Variants in PIDD1 observed in about 807,000 individuals in gnomAD.
PIDD1 encodes p53-induced death domain protein 1, also known as p53-induced death domain-containing protein 1.
PIDD1 carries 72 observed loss-of-function variants against 80.0 expected under a neutral mutation model. The ratio of observed to expected loss-of-function variants is 0.90; its 90% CI spans 0.74 to 1.09. The LOEUF (loss-of-function observed/expected upper bound fraction) is 1.09. PIDD1 is among the 50% of genes least tolerant of loss of function. The pLI is 0.00. For missense variants in PIDD1, 1,329 were observed against 1,228.3 expected (o/e 1.08, Z -1.23); for synonymous variants, 655 against 543.5 (o/e 1.21, Z -2.85).
upstream of PIDD1, chr11:805,485 C>A (rs538610494): frequency 2.2e-6 from 1 of 451,344 alleles, no homozygotes; most frequent in Non-Finnish European, 2.9e-6. Context: ...CAGCCTCCCC[C>A]GCCCGGAAGG....
chr11:799,206 T>C lies in PIDD1; in HGVS notation c.*101A>G. 1 of 1,205,472 alleles carries C rather than the reference T, an allele frequency of 8.3e-7. No homozygotes were observed. Among genetic ancestry groups the C allele is most frequent in the South Asian group, 1.6e-5 (1 of 64,440 alleles). 74.7% of individuals were successfully genotyped at this position (1,205,472 alleles called of 1,614,324 possible). A position where few individuals can be genotyped will look rare whatever the true frequency, so the allele number is the denominator to read the frequency against. On this transcript the variant is annotated 3_prime_UTR_variant, in exon 16 of 16. Transcript: ENST00000347755. ...AGGTGAAAGAAACAGTGCAGTTTTG[T>C]TGCTCACAGGGACCCGTCCCCACAC...
Position 799,227 on chromosome 11 carries a change from C to A in PIDD1, c.*80G>T. The A allele has an allele frequency of 7.2e-7, 1 of 1,382,224 alleles. No individual in the cohort carries two copies. The highest frequency in any genetic ancestry group is 9.7e-7 in the Non-Finnish European group (1 of 1,034,568). The allele number at this position is 1,382,224 out of a possible 1,614,324, so 85.6% of individuals were successfully genotyped here. ...TTTGTTGCTCACAGGGACCCGTCCCCACACACTGGAGAGACTTGAAGGTGG... is the reference window on the plus strand; with the variant it reads ...TTTGTTGCTCACAGGGACCCGTCCCAACACACTGGAGAGACTTGAAGGTGG... On this transcript the variant is annotated 3_prime_UTR_variant, in exon 16 of 16. Transcript: ENST00000347755.
At chr11:805,271 A>C (rs1027767681), upstream of PIDD1, 69 of 968,764 alleles carry the variant, frequency 7.1e-5, no homozygotes, top group African/African-American at 1.2e-3. Flanking sequence ...CGGGGACTGC[A>C]GACCCCGCCC....
At position 799,286 on chromosome 11, in the gene PIDD1, C is replaced by T; in HGVS notation, c.*21G>A. On this transcript the variant is annotated 3_prime_UTR_variant, in exon 16 of 16. Coordinates refer to ENST00000347755, the MANE Select transcript of PIDD1 (RefSeq NM_145886.4). ...CCCATCCACTGGGGAATATCTGGGCCAGCCTAAAAGTCTGTGGGGCCTAGG... is the reference window on the plus strand; with the variant it reads ...CCCATCCACTGGGGAATATCTGGGCTAGCCTAAAAGTCTGTGGGGCCTAGG... 1 of 1,556,826 alleles carries T rather than the reference C, an allele frequency of 6.4e-7. No homozygotes were observed. The highest frequency in any genetic ancestry group is 8.7e-7 in the Non-Finnish European group (1 of 1,152,712).
chr11:800,291 C>G, intron 13 of PIDD1, 42 bp downstream of exon 13: 1 of 1,612,308 alleles, frequency 6.2e-7, no homozygotes, highest in South Asian at 1.1e-5. Flanking sequence ...TCTGCCCAAG[C>G]GGCCTGGGGG....
rs1284215918 is a variant in PIDD1 at position 801,576 on chromosome 11, C to A, written c.1351G>T (p.Val451Phe). 6.4e-7 allele frequency: 1 copy of A among 1,568,330 alleles called. No individual in the cohort carries two copies. The highest frequency in any genetic ancestry group is 8.6e-7 in the Non-Finnish European group (1 of 1,156,718). The change falls in exon 8 of 16, where the codon GTT becomes TTT. Residue 451 changes from valine to phenylalanine, a missense_variant. By Grantham distance (50) the Val-to-Phe change is conservative. Coordinates refer to ENST00000347755, the MANE Select transcript of PIDD1 (RefSeq NM_145886.4). ...CAGGCATTGGACACAGGGCGGGAAA[C>A]CACAAGGAACCAGGAGAAGTGGGGC... ...QVPHFSWFLV[V>F]SRPVSNACLV... is the part of the protein sequence containing the mutation.
upstream of PIDD1, among the ~76,000 whole-genome samples, chr11:807,341 T>C (rs187672928): frequency 9.8e-3 from 1,453 of 148,048 alleles, 28 homozygotes; most frequent in African/African-American, 0.034. Flanking sequence ...TAGCTGGGCG[T>C]GGTGGCGGGC....
chr11:803,053 GA>G, intron 3 of PIDD1, 120 bp downstream of exon 3: 1 of 959,240 alleles, frequency 1.0e-6, no homozygotes, highest in Non-Finnish European at 1.6e-6. Context: ...CAGGGAGGTG[GA>G]GGGACAACCA....
Position 799,705 on chromosome 11 carries a change from G to C in PIDD1, c.2474+110C>G, listed in dbSNP as rs1209523702. On this transcript the variant is annotated intron_variant, in intron 15 of 15. Coordinates refer to ENST00000347755, the MANE Select transcript of PIDD1 (RefSeq NM_145886.4). ...ACCTTTCCTTTCCAGCCTGGTGTTT[G>C]CCCTTCCCCCACCTCCCCTGGAAGA... 3 of 1,373,678 alleles carry C rather than the reference G, an allele frequency of 2.2e-6. No individual in the cohort carries two copies. In the African/African-American group the frequency reaches 4.4e-5, roughly 20 times the overall value. 85.1% of individuals were successfully genotyped at this position (1,373,678 alleles called of 1,614,324 possible). A position where few individuals can be genotyped will look rare whatever the true frequency, so the allele number is the denominator to read the frequency against.
intron 1 of PIDD1, 180 bp from the exon 2 acceptor site, chr11:804,643 G>T (rs552680229): frequency 1.7e-5 from 9 of 528,856 alleles, no homozygotes; most frequent in Admixed American, 7.8e-5. Flanking sequence ...TGGAAAGAGG[G>T]TTGGGGAATG....
rs201425290 is a variant in PIDD1 at position 800,481 on chromosome 11, G to A, written c.2042-30C>T. ...GGGACAGGGGTGGGCTGAGCAAGGAGGGCTCGGGGAGGACGGTAAGGCTCC... is the reference window on the plus strand; with the variant it reads ...GGGACAGGGGTGGGCTGAGCAAGGAAGGCTCGGGGAGGACGGTAAGGCTCC... On this transcript the variant is annotated intron_variant, in intron 12 of 15. Transcript: ENST00000347755. The A allele has an allele frequency of 4.6e-4, 739 of 1,610,844 alleles. 10 individuals carry two copies. The Middle Eastern group carries it at 0.022, about 49-fold the overall frequency.
Position 803,368 on chromosome 11 carries a change from G to A in PIDD1, c.515C>T (p.Ala172Val). Residue 172 changes from alanine to valine, a missense_variant, in exon 3 of 16, where the codon GCC becomes GTC. Transcript: ENST00000347755. ...GTGTGTCACTGTGAGGAAGGTGAGG[G>A]CGGGGAGGGCCCCCAGAGCCTCAGG... ...ELPEALGALP[A>V]LTFLTVTHNR... is the part of the protein sequence containing the mutation. 6.2e-7 allele frequency: 1 copy of A among 1,613,982 alleles called. No individual in the cohort carries two copies. Among genetic ancestry groups the A allele is most frequent in the Non-Finnish European group, 8.5e-7 (1 of 1,179,992 alleles).
rs1865309291 is a variant in PIDD1 at position 801,451 on chromosome 11, G to A, written c.1476C>T (p.Ser492=). Residue 492 remains serine, a synonymous_variant, in exon 8 of 16, where the codon TCC becomes TCT. Coordinates refer to ENST00000347755, the MANE Select transcript of PIDD1 (RefSeq NM_145886.4). The part of the protein sequence containing the change: ...PGATEEPRRV[S]MQVVRMAGRE... The stretch of plus-strand genomic sequence containing the variant: ...AGTGCTGTCCTGGCCATACCTGCAT[G>A]GAGACTCGACGAGGCTCCTCAGTGG... 1 of 1,548,332 alleles carries A rather than the reference G, an allele frequency of 6.5e-7. No individual in the cohort carries two copies.
At chr11:801,788 CAG>C in intron 7 of PIDD1, 164 bp from the exon 8 acceptor site, 1 of 859,440 alleles carries the variant, frequency 1.2e-6, no homozygotes, top group East Asian at 3.0e-5. Context: ...GCCAGGGACA[CAG>C]GGAAGCAGGA....
At position 804,326 on chromosome 11, in the gene PIDD1, C is replaced by T. The variant is rs767458241; in HGVS notation, c.63G>A (p.Glu21=). The part of the protein sequence containing the change: ...EAAAAAGDAS[E]DSDAGSRALP... ...GCGCCCTGGACCCTGCGTCCGAATC[C>T]TCTGAAGCATCTCCTGCGGCAGCAG... is the stretch of plus-strand genomic sequence containing the variant. Residue 21 remains glutamate (E), a synonymous_variant, in exon 2 of 16, where the codon GAG becomes GAA. Coordinates refer to ENST00000347755, the MANE Select transcript of PIDD1 (RefSeq NM_145886.4). The T allele has an allele frequency of 1.9e-6, 3 of 1,611,454 alleles. No homozygotes were observed. The highest frequency in any genetic ancestry group is 2.2e-5 in the South Asian group (2 of 91,024).
chr11:804,553 G>C (rs1865646647), intron 1 of PIDD1, 90 bp from the exon 2 acceptor site: 2 of 1,331,456 alleles, frequency 1.5e-6, no homozygotes, highest in Non-Finnish European at 2.0e-6. Flanking sequence ...GGGAGCTCTA[G>C]AGCCAGGCCA....
rs753563318 is a variant in PIDD1 at position 799,905 on chromosome 11, A to G, written c.2384T>C (p.Val795Ala). Residue 795 changes from valine to alanine, a missense_variant, in exon 15 of 16, where the codon GTG becomes GCG. Coordinates refer to ENST00000347755, the MANE Select transcript of PIDD1 (RefSeq NM_145886.4). ...CCAGTCCAGACCCAGACGCCCAGCC[A>G]CACTCAGCAGGTTGCTCTGCGTCAG... ...GFLTQSNLLS[V>A]AGRLGLDWPA... The G allele has an allele frequency of 8.7e-6, 14 of 1,612,578 alleles. No homozygotes were observed. The highest frequency in any genetic ancestry group is 1.3e-5 in the African/African-American group (1 of 75,050).
chr11:807,478 C>CA (rs1311984509), upstream of PIDD1, among the ~76,000 whole-genome samples: 2 of 145,838 alleles, frequency 1.4e-5, no homozygotes, highest in Non-Finnish European at 3.0e-5. Context: ...TACTCCGTCT[C>CA]AAAAAAATAA....
At chr11:803,756 G>A (rs1162518197) in intron 2 of PIDD1, 169 bp from the exon 3 acceptor site, 5 of 761,984 alleles carry the variant, frequency 6.6e-6, no homozygotes, top group Admixed American at 2.7e-5. Context: ...GCCCGCAAAT[G>A]GAAGGAGGCA....
Sources: gnomAD v4.1 joint callset for allele counts (sites outside exome capture counted in the v4.1 genomes callset) on GRCh38, gnomAD v4.1.1 for gene constraint, MANE v1.5 for transcripts, NCBI Gene and HGNC (gene_info 2026-07-23, HGNC 2026-07-21) for gene names.